Variants in P4HA2 observed in about 807,000 individuals in gnomAD.
P4HA2 encodes prolyl 4-hydroxylase subunit alpha-2.
A neutral mutation model predicts 76.9 loss-of-function variants in P4HA2; 46 were observed. The ratio of observed to expected loss-of-function variants is 0.60; its 90% confidence interval spans 0.47 to 0.76. P4HA2 has a LOEUF of 0.76. Among genes scored for constraint, P4HA2 ranks in the 30% least tolerant of loss-of-function variants. The pLI, the probability that P4HA2 is intolerant of heterozygous loss-of-function variation, is 0.00. For missense variants in P4HA2, 583 were observed against 669.4 expected (o/e 0.87, Z 1.42); for synonymous variants, 243 against 254.0 (o/e 0.96, Z 0.41).
At chr5:132,213,893 C>A in intron 5 of P4HA2, 23 bp downstream of exon 5, 1 of 1,612,288 alleles carries the variant, frequency 6.2e-7, no homozygotes, top group Non-Finnish European at 8.5e-7. Context: ...GCGGGACAGG[C>A]AACGCCTGGA....
At chr5:132,212,264 A>C (rs934540651) in intron 5 of P4HA2, among the ~76,000 whole-genome samples, 1 of 152,204 alleles carries the variant, frequency 6.6e-6, no homozygotes, top group Admixed American at 6.5e-5. Context: ...TAAGCACAGT[A>C]ATCAGGAACT....
chr5:132,212,416 G>A (rs1056426559), intron 5 of P4HA2, among the ~76,000 whole-genome samples: 7 of 152,136 alleles, frequency 4.6e-5, no homozygotes, highest in African/African-American at 9.7e-5. Context: ...GGATAAGCAC[G>A]GAAGACATGA....
At chr5:132,225,629 G>C (rs157578) in intron 1 of P4HA2, among the ~76,000 whole-genome samples, 26,472 of 152,126 alleles carry the variant, frequency 0.17, 2,769 homozygotes, top group East Asian at 0.4. Context: ...ATAGTGCCTC[G>C]GCCACCTCCT....
At chr5:132,209,920 T>C (rs1371292750) in intron 6 of P4HA2, among the ~76,000 whole-genome samples, 3 of 152,196 alleles carry the variant, frequency 2.0e-5, no homozygotes, top group African/African-American at 7.2e-5. Context: ...CTACTGTTTG[T>C]CACTGTAACA....
intron 12 of P4HA2, chr5:132,195,858 G>A (rs1181247813): frequency 3.5e-6 from 1 of 282,244 alleles, no homozygotes; most frequent in Admixed American, 4.5e-5. Flanking sequence ...CCCTGACCAG[G>A]AGCTCTGTAC....
At position 132,193,017 on chromosome 5, in the gene P4HA2, A is replaced by C. The variant is rs1750070429; in HGVS notation, c.1595T>G (p.Val532Gly). Residue 532 changes from valine to glycine, a missense_variant, in exon 15 of 15, where the codon GTT becomes GGT. Physicochemically the swap from Val to Gly is moderately radical, Grantham distance 109 (BLOSUM62 -3). Coordinates refer to ENST00000360568, the MANE Select transcript of P4HA2 (RefSeq NM_001017974.2). Reference protein sequence around the residue: ...EFLRPCGSTEVD With the variant: ...EFLRPCGSTEGD The stretch of plus-strand genomic sequence containing the variant: ...GAAGGACAGAAAAGGATGTCAGTCA[A>C]CTTCTGTTGATCCACAAGGTCTCAA... 6.2e-7 allele frequency: 1 copy of C among 1,606,098 alleles called. No homozygotes were observed. Among genetic ancestry groups the C allele is most frequent in the South Asian group, 1.1e-5 (1 of 90,890 alleles).
intron 10 of P4HA2, chr5:132,202,495 T>C (rs1043481108): frequency 6.6e-6 from 1 of 152,246 alleles, no homozygotes; most frequent in Non-Finnish European, 1.5e-5. Flanking sequence ...GGCTGCTATC[T>C]TTAAGTATAC....
intron 10 of P4HA2, 66 bp downstream of exon 10, chr5:132,203,682 C>G (rs1223413034): frequency 1.0e-5 from 10 of 989,800 alleles, no homozygotes; most frequent in South Asian, 4.0e-5. Flanking sequence ...TTCTGGACAC[C>G]CTGTGAGACC....
At chr5:132,217,699 G>A in intron 3 of P4HA2, 53 bp downstream of exon 3, 1 of 1,107,462 alleles carries the variant, frequency 9.0e-7, no homozygotes, top group South Asian at 1.2e-5. Flanking sequence ...CTTGTTCCTT[G>A]AGGGGCAGAA....
intron 10 of P4HA2, among the ~76,000 whole-genome samples, chr5:132,203,127 G>A (rs976177921): frequency 3.9e-5 from 6 of 152,286 alleles, no homozygotes; most frequent in Non-Finnish European, 8.8e-5. Flanking sequence ...CCTCACTGTG[G>A]AAATACTTAG....
intron 8 of P4HA2, among the ~76,000 whole-genome samples, chr5:132,206,876 G>C (rs1035002437): frequency 6.6e-6 from 1 of 152,126 alleles, no homozygotes; most frequent in Non-Finnish European, 1.5e-5. Context: ...GGCAACCAAA[G>C]AGAAATCAGC....
intron 5 of P4HA2, among the ~76,000 whole-genome samples, chr5:132,211,633 G>C (rs1375145290): frequency 2.0e-5 from 3 of 152,172 alleles, no homozygotes; most frequent in Non-Finnish European, 4.4e-5. Context: ...GGGGCTCCTG[G>C]AGCCCCTTTT....
At chr5:132,224,995 C>G (rs1755158309) in intron 1 of P4HA2, among the ~76,000 whole-genome samples, 1 of 148,942 alleles carries the variant, frequency 6.7e-6, no homozygotes, top group Non-Finnish European at 1.5e-5. Flanking sequence ...AACAAGAACT[C>G]TCTTCTAGGG....
At chr5:132,224,204 GC>G (rs1294415596) in intron 1 of P4HA2, among the ~76,000 whole-genome samples, 1 of 152,208 alleles carries the variant, frequency 6.6e-6, no homozygotes, top group Non-Finnish European at 1.5e-5. Context: ...AAATGGACAG[GC>G]ACACCTGCCC....
chr5:132,226,299 G>T (rs549480333), intron 1 of P4HA2, among the ~76,000 whole-genome samples: 2 of 152,158 alleles, frequency 1.3e-5, no homozygotes, highest in Non-Finnish European at 2.9e-5. Flanking sequence ...AAGCTACAAC[G>T]TAACGGACTC....
In P4HA2 at chr5:132,223,198, A is replaced by G. The variant is rs1328017362; in HGVS notation, c.-18-4554T>C. Among the ~76,000 whole-genome samples the G allele has an allele frequency of 1.3e-5, 2 of 152,226 alleles. 1 individual carries two copies. The highest frequency in any genetic ancestry group is 2.9e-5 in the Non-Finnish European group (2 of 68,036). On this transcript the variant is annotated intron_variant, in intron 1 of 14. Coordinates refer to ENST00000360568, the MANE Select transcript of P4HA2 (RefSeq NM_001017974.2). Reference sequence around the variant, plus strand: ...CCAAAGGGCCCTCATAGGGTAACCAAGTACATCTCTGTGCAGAGTAGCCAG... The same window carrying G: ...CCAAAGGGCCCTCATAGGGTAACCAGGTACATCTCTGTGCAGAGTAGCCAG...
intron 8 of P4HA2, among the ~76,000 whole-genome samples, chr5:132,204,992 T>C (rs1055613686): frequency 6.6e-6 from 1 of 152,228 alleles, no homozygotes; most frequent in African/African-American, 2.4e-5. Context: ...GGTGGGGCCA[T>C]AGGCCCAGGT....
chr5:132,218,923 G>A (rs1754281018), intron 1 of P4HA2, among the ~76,000 whole-genome samples: 1 of 152,184 alleles, frequency 6.6e-6, no homozygotes, highest in Admixed American at 6.5e-5. Flanking sequence ...TGAGAAGGCG[G>A]AATCGCAGTG....
chr5:132,213,251 T>C (rs1416689581), intron 5 of P4HA2, among the ~76,000 whole-genome samples: 2 of 152,204 alleles, frequency 1.3e-5, no homozygotes, highest in Non-Finnish European at 2.9e-5. Context: ...AAGCGGCCAC[T>C]GATGACCTTG....
Sources: allele counts gnomAD v4.1 joint callset (sites outside exome capture counted in the v4.1 genomes callset), GRCh38; gene constraint gnomAD v4.1.1; transcripts MANE v1.5; gene names NCBI Gene and HGNC (gene_info 2026-07-23, HGNC 2026-07-21).